CSMD1: variants seen among roughly 807,000 people sequenced by gnomAD.
CSMD1 encodes the protein CUB and Sushi multiple domains 1.
A neutral mutation model predicts 417.5 loss-of-function variants in CSMD1; 213 were observed. That is an observed-to-expected ratio of 0.51 (90% CI 0.46 to 0.57). The LOEUF is 0.57. Ranked by LOEUF, CSMD1 falls within the 20% of genes least tolerant of loss-of-function variation. CSMD1 has a pLI of 0.00. For synonymous variants in CSMD1, 2,862 were observed against 1,736.8 expected (o/e 1.65, Z -16.11); for missense variants, 6,923 against 4,529.7 (o/e 1.53, Z -15.17).
intron 50 of CSMD1, among the ~76,000 whole-genome samples, chr8:3,032,773 T>C (rs1810428277): frequency 1.3e-5 from 2 of 152,018 alleles, no homozygotes; most frequent in Admixed American, 1.3e-4. Context: ...ATCCTCAACC[T>C]CTACCTTACT....
At chr8:4,078,373 G>T (rs1171367335) in intron 3 of CSMD1, among the ~76,000 whole-genome samples, 2 of 144,012 alleles carry the variant, frequency 1.4e-5, no homozygotes, top group Non-Finnish European at 3.0e-5. Flanking sequence ...GGAGTGCAGT[G>T]GCGTGATCTC....
intron 8 of CSMD1, among the ~76,000 whole-genome samples, chr8:3,599,176 T>TGAGA (rs33913918): frequency 1.3e-5 from 2 of 151,164 alleles, no homozygotes; most frequent in East Asian, 3.9e-4. Context: ...TGTGTGTGTG[T>TGAGA]GTGTGAGATG....
At chr8:3,803,627 T>G (rs1477309939) in intron 5 of CSMD1, among the ~76,000 whole-genome samples, 1 of 152,066 alleles carries the variant, frequency 6.6e-6, no homozygotes, top group African/African-American at 2.4e-5. Context: ...CTCAGAACAT[T>G]TGAGCCTGGA....
intron 5 of CSMD1, among the ~76,000 whole-genome samples, chr8:3,948,474 A>G (rs1314669662): frequency 1.3e-5 from 2 of 152,038 alleles, no homozygotes; most frequent in Non-Finnish European, 2.9e-5. Context: ...TTGGCAGGGA[A>G]ATTTTCTCCA....
intron 25 of CSMD1, among the ~76,000 whole-genome samples, chr8:3,290,198 G>T (rs1056436721): frequency 1.4e-5 from 2 of 147,110 alleles, no homozygotes; most frequent in Non-Finnish European, 2.9e-5. Flanking sequence ...CTCTGTTTTG[G>T]TACCAGTACC....
intron 2 of CSMD1, among the ~76,000 whole-genome samples, chr8:4,501,289 C>G (rs1417819868): frequency 1.3e-5 from 2 of 152,138 alleles, no homozygotes; most frequent in East Asian, 3.9e-4. Flanking sequence ...GAACAGGATG[C>G]TTAAAAACAT....
chr8:3,968,767 A>T (rs1563265667), intron 5 of CSMD1, among the ~76,000 whole-genome samples: 1 of 152,150 alleles, frequency 6.6e-6, no homozygotes, highest in Non-Finnish European at 1.5e-5. Flanking sequence ...AATGCTGAAG[A>T]TGGGTGGGGA....
chr8:3,700,988 C>T (rs931173), intron 7 of CSMD1, among the ~76,000 whole-genome samples: 10 of 148,466 alleles, frequency 6.7e-5, no homozygotes, highest in South Asian at 2.2e-4. Context: ...AGGTGAGGGG[C>T]GACGGTGGTT....
intron 26 of CSMD1, among the ~76,000 whole-genome samples, chr8:3,261,070 G>C (rs191329300): frequency 2.0e-5 from 3 of 152,268 alleles, no homozygotes; most frequent in East Asian, 1.9e-4. Flanking sequence ...AACATGAAAA[G>C]ATGCTCTAAA....
intron 7 of CSMD1, among the ~76,000 whole-genome samples, chr8:3,627,448 G>A (rs1466807577): frequency 1.3e-5 from 2 of 152,120 alleles, no homozygotes; most frequent in African/African-American, 4.8e-5. Context: ...CATGCACTGA[G>A]AAGACTATGT....
intron 3 of CSMD1, among the ~76,000 whole-genome samples, chr8:4,313,039 A>G (rs1798718514): frequency 6.6e-6 from 1 of 152,182 alleles, no homozygotes; most frequent in African/African-American, 2.4e-5. Context: ...ATAAATTTCT[A>G]TAGAATAAAC....
At chr8:4,180,705 T>C (rs1278579688) in intron 3 of CSMD1, among the ~76,000 whole-genome samples, 2 of 152,188 alleles carry the variant, frequency 1.3e-5, no homozygotes, top group South Asian at 2.1e-4. Flanking sequence ...CTGGTTGTCA[T>C]GGAACTCACC....
At chr8:4,589,260 C>T (rs1329798814) in intron 2 of CSMD1, among the ~76,000 whole-genome samples, 2 of 152,042 alleles carry the variant, frequency 1.3e-5, no homozygotes, top group East Asian at 3.9e-4. Context: ...ATTTTTATTT[C>T]TAAATTTGTG....
At chr8:3,369,537 A>C (rs1809815367) in intron 18 of CSMD1, among the ~76,000 whole-genome samples, 167 bp from the exon 19 acceptor site, 1 of 152,220 alleles carries the variant, frequency 6.6e-6, no homozygotes. Context: ...CAAATATCAT[A>C]TGCTAGTTCA....
chr8:3,983,922 C>A (rs1814104675), intron 5 of CSMD1, among the ~76,000 whole-genome samples: 1 of 151,558 alleles, frequency 6.6e-6, no homozygotes, highest in Non-Finnish European at 1.5e-5. Context: ...GCACATCTGA[C>A]AGGGCTGTCA....
At chr8:3,447,309 C>A (rs1815365252) in intron 12 of CSMD1, among the ~76,000 whole-genome samples, 2 of 151,230 alleles carry the variant, frequency 1.3e-5, no homozygotes, top group South Asian at 2.1e-4. Flanking sequence ...AAATAAAAAT[C>A]CTAATTCAGT....
chr8:4,427,083 G>T (rs1325112029), intron 2 of CSMD1, among the ~76,000 whole-genome samples: 1 of 152,084 alleles, frequency 6.6e-6, no homozygotes, highest in Non-Finnish European at 1.5e-5. Context: ...AAAGAGCACA[G>T]GTGGCTGTGG....
At chr8:3,408,870 A>T (rs565095649) in intron 13 of CSMD1, among the ~76,000 whole-genome samples, 1 of 152,162 alleles carries the variant, frequency 6.6e-6, no homozygotes, top group African/African-American at 2.4e-5. Flanking sequence ...TTCTTATTCC[A>T]TATAATTTTG....
At chr8:3,729,922 TAAAAAAAAAAAAAAAAAAAAAA>T (rs1160679199) in intron 6 of CSMD1, among the ~76,000 whole-genome samples, 3 of 47,072 alleles carry the variant, frequency 6.4e-5, no homozygotes, top group Admixed American at 3.2e-4. Flanking sequence ...CAATTCAAAG[TAAAAAAAAAAAAAAAAAAAAAA>T]AAAAAAAAAA....
Sources: gnomAD v4.1 joint callset for allele counts (sites outside exome capture counted in the v4.1 genomes callset) on GRCh38, gnomAD v4.1.1 for gene constraint, MANE v1.5 for transcripts, NCBI Gene and HGNC (gene_info 2026-07-23, HGNC 2026-07-21) for gene names.